Variants in CCSER1 observed in about 807,000 individuals in gnomAD.
The protein encoded by CCSER1 is serine-rich coiled-coil domain-containing protein 1.
A neutral mutation model predicts 82.0 loss-of-function variants in CCSER1; 41 were observed. The observed-to-expected ratio is 0.50, with a 90% CI of 0.39 to 0.65. The LOEUF (loss-of-function observed/expected upper bound fraction) is 0.65, where lower values mean the gene tolerates loss of function less well. Among genes scored for constraint, CCSER1 ranks in the 30% least tolerant of loss-of-function variants. CCSER1 has a pLI of 0.00. For synonymous variants in CCSER1, 414 were observed against 383.9 expected (o/e 1.08, Z -0.92); for missense variants, 1,119 against 1,064.2 (o/e 1.05, Z -0.72).
intron 3 of CCSER1, among the ~76,000 whole-genome samples, chr4:90,349,701 C>A (rs895141690): frequency 1.3e-5 from 2 of 151,734 alleles, no homozygotes; most frequent in Non-Finnish European, 2.9e-5. Flanking sequence ...ATTGTGTGAA[C>A]CTCTAACAGT....
At chr4:91,466,015 C>T (rs1339772102) in intron 10 of CCSER1, among the ~76,000 whole-genome samples, 3 of 152,172 alleles carry the variant, frequency 2.0e-5, no homozygotes, top group African/African-American at 7.2e-5. Flanking sequence ...AGGCCAGCAT[C>T]ATCCTGATAC....
chr4:91,077,864 CAT>C (rs1722178554), intron 9 of CCSER1, among the ~76,000 whole-genome samples: 1 of 152,176 alleles, frequency 6.6e-6, no homozygotes, highest in African/African-American at 2.4e-5. Flanking sequence ...AGCAGTCTGA[CAT>C]AGAACTGCAA....
chr4:91,439,140 G>T (rs1477288773), intron 10 of CCSER1, among the ~76,000 whole-genome samples: 1 of 152,072 alleles, frequency 6.6e-6, no homozygotes, highest in African/African-American at 2.4e-5. Context: ...ACGCCACAAA[G>T]ATACTCCTCG....
intron 10 of CCSER1, among the ~76,000 whole-genome samples, chr4:91,263,039 A>G (rs532417784): frequency 2.8e-4 from 42 of 152,144 alleles, no homozygotes; most frequent in Admixed American, 2.7e-3. Flanking sequence ...TACCTAGCCC[A>G]CGGGAATTTT....
chr4:90,271,853 TATA>T (rs1391536692), intron 1 of CCSER1, among the ~76,000 whole-genome samples: 1 of 29,696 alleles, frequency 3.4e-5, no homozygotes, highest in African/African-American at 3.4e-4. Flanking sequence ...TATATATATA[TATA>T]TATATATTTT....
chr4:90,609,755 A>AT (rs1785204951), intron 5 of CCSER1, among the ~76,000 whole-genome samples: 1 of 152,194 alleles, frequency 6.6e-6, no homozygotes, highest in Non-Finnish European at 1.5e-5. Context: ...ATAAGAGTAG[A>AT]TTCGGCTACT....
chr4:90,562,330 T>C (rs1388884716), intron 5 of CCSER1, among the ~76,000 whole-genome samples: 1 of 152,012 alleles, frequency 6.6e-6, no homozygotes. Context: ...TCTATATTTG[T>C]CACTCATCAG....
intron 3 of CCSER1, among the ~76,000 whole-genome samples, chr4:90,349,024 T>A (rs1742932494): frequency 6.6e-6 from 1 of 152,112 alleles, no homozygotes; most frequent in African/African-American, 2.4e-5. Flanking sequence ...AAGAATGAGT[T>A]CCAGTGTGCA....
chr4:90,903,228 G>T (rs1476890639), intron 8 of CCSER1, among the ~76,000 whole-genome samples: 1 of 152,106 alleles, frequency 6.6e-6, no homozygotes, highest in Admixed American at 6.6e-5. Flanking sequence ...GGACCCAGGA[G>T]GAGGTCATCA....
intron 1 of CCSER1, among the ~76,000 whole-genome samples, chr4:90,225,963 T>C (rs763440990): frequency 1.3e-5 from 2 of 152,216 alleles, no homozygotes; most frequent in Non-Finnish European, 2.9e-5. Context: ...CTATATCAGT[T>C]ATGGGCTTTA....
At chr4:91,206,443 A>G (rs966343378) in intron 10 of CCSER1, among the ~76,000 whole-genome samples, 3 of 151,990 alleles carry the variant, frequency 2.0e-5, no homozygotes, top group Admixed American at 6.6e-5. Flanking sequence ...GTAAAAAGGC[A>G]CAGCAGGTTA....
At chr4:91,170,199 A>G (rs188563976) in intron 10 of CCSER1, among the ~76,000 whole-genome samples, 35 of 152,312 alleles carry the variant, frequency 2.3e-4, no homozygotes, top group Non-Finnish European at 4.0e-4. Context: ...TATGTAAGAG[A>G]AAAAAATACC....
intron 10 of CCSER1, among the ~76,000 whole-genome samples, chr4:91,594,884 A>G (rs1764488804): frequency 6.6e-6 from 1 of 152,102 alleles, no homozygotes; most frequent in Non-Finnish European, 1.5e-5. Flanking sequence ...TAAAGACACA[A>G]TAGGGTAATT....
intron 1 of CCSER1, among the ~76,000 whole-genome samples, chr4:90,288,529 C>T (rs1416266648): frequency 6.6e-6 from 1 of 151,832 alleles, no homozygotes; most frequent in African/African-American, 2.4e-5. Flanking sequence ...AGGGACTAGC[C>T]CCTCTAATTC....
chr4:90,192,327 C>T (rs1211060278), intron 1 of CCSER1, among the ~76,000 whole-genome samples: 1 of 151,984 alleles, frequency 6.6e-6, no homozygotes, highest in Non-Finnish European at 1.5e-5. Flanking sequence ...CTGGTCCCTC[C>T]CACAACACGT....
At chr4:90,130,290 G>A (rs528729828) in intron 1 of CCSER1, among the ~76,000 whole-genome samples, 5 of 152,168 alleles carry the variant, frequency 3.3e-5, no homozygotes, top group Admixed American at 6.5e-5. Flanking sequence ...ATGCTTGAGC[G>A]TAGAGTTAAC....
chr4:90,337,236 A>T (rs373377025), intron 3 of CCSER1, among the ~76,000 whole-genome samples: 14 of 152,336 alleles, frequency 9.2e-5, no homozygotes, highest in African/African-American at 3.4e-4. Context: ...TCTCAGACTG[A>T]GATGAGTCTT....
intron 3 of CCSER1, among the ~76,000 whole-genome samples, chr4:90,345,778 A>T (rs965277867): frequency 6.6e-6 from 1 of 152,084 alleles, no homozygotes; most frequent in Non-Finnish European, 1.5e-5. Flanking sequence ...TAAGATCTCC[A>T]CATCTCTCTA....
intron 1 of CCSER1, among the ~76,000 whole-genome samples, chr4:90,230,917 A>C (rs190354595): frequency 0.56 from 84,914 of 151,018 alleles, 24,442 homozygotes; most frequent in African/African-American, 0.69. Context: ...CCAAGACTAA[A>C]CCAGGAAGAA....
Sources: gnomAD v4.1 joint callset for allele counts (sites outside exome capture counted in the v4.1 genomes callset) on GRCh38, gnomAD v4.1.1 for gene constraint, MANE v1.5 for transcripts, NCBI Gene and HGNC (gene_info 2026-07-23, HGNC 2026-07-21) for gene names.